Variants in ROBO2 observed in about 807,000 individuals in gnomAD.
The protein encoded by ROBO2 is roundabout homolog 2.
ROBO2 carries 53 observed loss-of-function variants against 160.8 expected under a neutral mutation model. The ratio of observed to expected loss-of-function variants is 0.33; its 90% CI spans 0.26 to 0.41. The LOEUF is 0.41. Ranked by LOEUF, ROBO2 falls within the 10% of genes least tolerant of loss-of-function variation. The pLI is 1.00. For missense variants in ROBO2, 1,577 were observed against 1,722.4 expected, an observed-to-expected ratio of 0.92 and a Z score of 1.49; for synonymous variants, 664 against 611.7, an observed-to-expected ratio of 1.09 and a Z score of -1.26.
intron 2 of ROBO2, among the ~76,000 whole-genome samples, chr3:76,200,574 G>C (rs1398882861): frequency 1.3e-5 from 2 of 151,936 alleles, no homozygotes; most frequent in African/African-American, 4.8e-5. Flanking sequence ...CAGTATAGGG[G>C]GCAACTTAAG....
chr3:76,194,365 T>TATATATAC lies in ROBO2; in HGVS notation c.109+256770_109+256771insCATATATA, dbSNP rs1411028893. On this transcript the variant is annotated intron_variant, in intron 2 of 26. Coordinates refer to the ROBO2 transcript ENST00000487694. ...TGTATGGTGTGTAAATATATATATA[T>TATATATAC]ATATATATATATATATATATAGTGT... 1.4e-3 allele frequency among the ~76,000 whole-genome samples: 163 copies of TATATATAC among 119,880 alleles called. 2 individuals carry two copies. The highest frequency in any genetic ancestry group is 5.3e-3 in the African/African-American group (154 of 28,926). 78.6% of individuals were successfully genotyped at this position (119,880 alleles called of 152,430 possible).
intron 2 of ROBO2, among the ~76,000 whole-genome samples, chr3:76,308,376 C>CAAAAAAAAAAAAAAAAAAAA (rs71277580): frequency 2.3e-5 from 2 of 85,574 alleles, no homozygotes; most frequent in African/African-American, 4.8e-5. Flanking sequence ...GACTCTGTCT[C>CAAAAAAAAAAAAAAAAAAAA]AAAAAAAAAA....
In ROBO2 at chr3:77,300,925, G is replaced by A. The variant is rs1015711345; in HGVS notation, c.389-176489G>A. ...CTCACTCTGTCACCCAGGCTGGAGT[G>A]CAGTGGCATGATCTTGGCCACTAAC... On this transcript the variant is annotated intron_variant, in intron 2 of 25. Coordinates refer to ENST00000461745, the Ensembl canonical transcript of ROBO2. Among the ~76,000 whole-genome samples the A allele has an allele frequency of 1.1e-4, 17 of 151,688 alleles. 1 individual carries two copies. Among genetic ancestry groups the A allele is most frequent in the Non-Finnish European group, 1.9e-4 (13 of 67,940 alleles).
chr3:77,358,077 A>G (rs953785986), intron 2 of ROBO2, among the ~76,000 whole-genome samples: 7 of 152,224 alleles, frequency 4.6e-5, no homozygotes, highest in Non-Finnish European at 7.3e-5. Flanking sequence ...TTGTAACCAA[A>G]TGCTACAACC....
chr3:77,313,260 G>A (rs1247394902), intron 2 of ROBO2, among the ~76,000 whole-genome samples: 1 of 152,080 alleles, frequency 6.6e-6, no homozygotes, highest in Non-Finnish European at 1.5e-5. Context: ...CATAACAATT[G>A]TACATATTTG....
intron 2 of ROBO2, among the ~76,000 whole-genome samples, chr3:75,981,675 A>G (rs2065279261): frequency 6.6e-6 from 1 of 151,396 alleles, no homozygotes; most frequent in South Asian, 2.1e-4. Context: ...TATGGGGCAC[A>G]TGAGATATTT....
At chr3:77,305,883 A>G (rs1000406708) in intron 2 of ROBO2, among the ~76,000 whole-genome samples, 20 of 152,306 alleles carry the variant, frequency 1.3e-4, no homozygotes, top group East Asian at 3.9e-4. Flanking sequence ...TATCTACATA[A>G]GGATTAATAT....
chr3:77,040,904 C>T (rs1210636311), intron 1 of ROBO2, 58 bp downstream of exon 1: 31 of 1,593,148 alleles, frequency 1.9e-5, no homozygotes, highest in Non-Finnish European at 1.8e-5. Flanking sequence ...TCCCCCAAAA[C>T]CATTTCTTTT....
In ROBO2 at chr3:77,574,732, T is replaced by A; in HGVS notation, c.2203+2T>A. The A allele has an allele frequency of 6.2e-7, 1 of 1,606,360 alleles. No homozygotes were observed. The highest frequency in any genetic ancestry group is 8.5e-7 in the Non-Finnish European group (1 of 1,173,534). On this transcript the variant is annotated splice_donor_variant, in intron 14 of 25. Coordinates refer to ENST00000461745, the Ensembl canonical transcript of ROBO2. LOFTEE classifies it high-confidence loss of function. ...AAACGGTTCGTACTACTGAAGAAGG[T>A]CAGTATTCAGATTTCGAATATAAAT... is the stretch of plus-strand genomic sequence containing the variant.
chr3:76,195,077 G>T (rs1253015718), intron 2 of ROBO2, among the ~76,000 whole-genome samples: 1 of 152,054 alleles, frequency 6.6e-6, no homozygotes, highest in African/African-American at 2.4e-5. Context: ...CAGGCAACTT[G>T]TCTTAATCTC....
intron 2 of ROBO2, among the ~76,000 whole-genome samples, chr3:77,214,562 G>A (rs1333237298): frequency 6.6e-6 from 1 of 152,090 alleles, no homozygotes; most frequent in East Asian, 1.9e-4. Flanking sequence ...TTTATTTGGA[G>A]CATTTAGCCC....
intron 2 of ROBO2, among the ~76,000 whole-genome samples, chr3:77,112,523 C>T (rs948087488): frequency 6.6e-6 from 1 of 152,054 alleles, no homozygotes; most frequent in South Asian, 2.1e-4. Flanking sequence ...GGATTACAGG[C>T]GTGAGCCACC....
chr3:76,227,634 T>G (rs1198697045), intron 2 of ROBO2, among the ~76,000 whole-genome samples: 1 of 152,220 alleles, frequency 6.6e-6, no homozygotes, highest in Non-Finnish European at 1.5e-5. Flanking sequence ...AAGCTTAGTA[T>G]TTTTAAGAAA....
chr3:76,389,789 T>G (rs537163276), intron 2 of ROBO2, among the ~76,000 whole-genome samples: 1 of 152,196 alleles, frequency 6.6e-6, no homozygotes, highest in Admixed American at 6.5e-5. Flanking sequence ...TATATTAAAA[T>G]TAAGTTTCAT....
At chr3:76,327,838 C>T (rs567498343) in intron 2 of ROBO2, among the ~76,000 whole-genome samples, 3 of 151,382 alleles carry the variant, frequency 2.0e-5, no homozygotes, top group Admixed American at 2.0e-4. Context: ...ATATAGACAA[C>T]GGTGAATAGA....
intron 2 of ROBO2, among the ~76,000 whole-genome samples, chr3:76,790,599 C>T (rs2063296070): frequency 6.6e-6 from 1 of 151,654 alleles, no homozygotes; most frequent in South Asian, 2.1e-4. Flanking sequence ...TTGTGTTACC[C>T]TACAGTTGGG....
chr3:76,509,322 C>T (rs1413007317), intron 2 of ROBO2, among the ~76,000 whole-genome samples: 1 of 151,920 alleles, frequency 6.6e-6, no homozygotes, highest in African/African-American at 2.4e-5. Flanking sequence ...TTTTACTCAC[C>T]CCTGGTGGAG....
At chr3:76,777,306 T>A (rs1009895956) in intron 2 of ROBO2, among the ~76,000 whole-genome samples, 2 of 151,118 alleles carry the variant, frequency 1.3e-5, no homozygotes, top group African/African-American at 4.8e-5. Flanking sequence ...TATTATCCAC[T>A]GTGAAAAGAT....
chr3:75,969,514 CA>C (rs903249763), intron 2 of ROBO2, among the ~76,000 whole-genome samples: 24 of 151,558 alleles, frequency 1.6e-4, no homozygotes, highest in Non-Finnish European at 3.0e-4. Flanking sequence ...ATGGCTGTCT[CA>C]GTTTACTTTC....
Sources: gnomAD v4.1 joint callset for allele counts (sites outside exome capture counted in the v4.1 genomes callset) on GRCh38, gnomAD v4.1.1 for gene constraint, MANE v1.5 for transcripts, NCBI Gene and HGNC (gene_info 2026-07-23, HGNC 2026-07-21) for gene names.